Variants in MYOCD observed in about 807,000 individuals in gnomAD.
MYOCD encodes the protein myocardin.
Under a neutral mutation model 96.1 loss-of-function variants are expected in MYOCD, and 32 were observed. The observed-to-expected ratio is 0.33, with a 90% CI of 0.25 to 0.45. MYOCD has a LOEUF of 0.45. MYOCD is among the 20% of genes least tolerant of loss of function. The pLI, the probability that MYOCD is intolerant of heterozygous loss-of-function variation, is 1.00. For missense variants in MYOCD, 1,133 were observed against 1,200.6 expected (o/e 0.94, Z 0.83); for synonymous variants, 469 against 469.0 (o/e 1.00, Z 0.00).
At chr17:12,733,961 G>T (rs1014190738) in intron 5 of MYOCD, among the ~76,000 whole-genome samples, 1 of 151,848 alleles carries the variant, frequency 6.6e-6, no homozygotes, top group Admixed American at 6.6e-5. Flanking sequence ...TTTTGCTATT[G>T]CTGCCACTGC....
chr17:12,754,417 T>G (rs2032956721), intron 10 of MYOCD, among the ~76,000 whole-genome samples: 1 of 152,168 alleles, frequency 6.6e-6, no homozygotes, highest in African/African-American at 2.4e-5. Flanking sequence ...TTTGCAACTT[T>G]AAATAGAAGA....
intron 11 of MYOCD, 26 bp downstream of exon 11, chr17:12,756,583 C>A (rs1046981405): frequency 6.5e-7 from 1 of 1,536,896 alleles, no homozygotes; most frequent in African/African-American, 1.4e-5. Flanking sequence ...AAGGCCTCAA[C>A]CTGGGATTCA....
chr17:12,677,451 G>A (rs1012829312), intron 1 of MYOCD, among the ~76,000 whole-genome samples: 3 of 151,864 alleles, frequency 2.0e-5, no homozygotes, highest in African/African-American at 2.4e-5. Flanking sequence ...AGTGGCTCAC[G>A]CCTGTAATCC....
At chr17:12,720,127 G>A (rs1597779768) in intron 4 of MYOCD, among the ~76,000 whole-genome samples, 1 of 151,968 alleles carries the variant, frequency 6.6e-6, no homozygotes, top group East Asian at 1.9e-4. Context: ...GGTACCACAT[G>A]TACAGGGATC....
At chr17:12,676,384 CA>C (rs1910057980) in intron 1 of MYOCD, among the ~76,000 whole-genome samples, 1 of 151,280 alleles carries the variant, frequency 6.6e-6, no homozygotes, top group Non-Finnish European at 1.5e-5. Context: ...CAAAACATAC[CA>C]AAAGTGCTAA....
intron 1 of MYOCD, among the ~76,000 whole-genome samples, chr17:12,688,999 A>G (rs928058675): frequency 6.6e-6 from 1 of 152,222 alleles, no homozygotes; most frequent in African/African-American, 2.4e-5. Context: ...CCATGTGCAC[A>G]CACACAAACA....
At chr17:12,760,042 A>G (rs1447752645) in intron 12 of MYOCD, 3 of 152,592 alleles carry the variant, frequency 2.0e-5, no homozygotes, top group African/African-American at 7.2e-5. Context: ...TTTTTAGGCA[A>G]TAGACCTATG....
At position 12,752,956 on chromosome 17, in the gene MYOCD, C is replaced by T; in HGVS notation, c.1668C>T (p.Asn556=). ...RMQLQKQKRN[N]CSEKKPLPFL... The stretch of plus-strand genomic sequence containing the variant: ...AGCTTCAGAAGCAGAAAAGGAATAA[C>T]TGTTCAGAGAAGAAGCCGCTGCCTT... Residue 556 remains asparagine (N), a synonymous_variant, in exon 10 of 14, where the codon AAC becomes AAT. Transcript: ENST00000425538. 1 of 1,614,146 alleles carries T rather than the reference C, an allele frequency of 6.2e-7. No homozygotes were observed. Among genetic ancestry groups the T allele is most frequent in the South Asian group, 1.1e-5 (1 of 91,078 alleles).
chr17:12,676,024 C>G (rs1429863509), intron 1 of MYOCD, among the ~76,000 whole-genome samples: 1 of 151,986 alleles, frequency 6.6e-6, no homozygotes, highest in East Asian at 1.9e-4. Flanking sequence ...GTATTCGTAT[C>G]TACATAATTT....
intron 11 of MYOCD, among the ~76,000 whole-genome samples, chr17:12,757,310 A>G (rs991392828): frequency 1.3e-5 from 2 of 152,168 alleles, no homozygotes; most frequent in Non-Finnish European, 2.9e-5. Flanking sequence ...CACATACCAC[A>G]AGTCGGAAGG....
intron 2 of MYOCD, among the ~76,000 whole-genome samples, chr17:12,706,868 C>G (rs1462556461): frequency 6.6e-6 from 1 of 152,112 alleles, no homozygotes; most frequent in Non-Finnish European, 1.5e-5. Flanking sequence ...TCCATGGCAT[C>G]ATTAAGATAA....
At chr17:12,757,944 G>T in intron 11 of MYOCD, 141 bp from the exon 12 acceptor site, 1 of 661,134 alleles carries the variant, frequency 1.5e-6, no homozygotes. Context: ...TAATATATGG[G>T]AGTTATTTTC....
intron 1 of MYOCD, among the ~76,000 whole-genome samples, chr17:12,675,622 G>T (rs1909975633): frequency 6.6e-6 from 1 of 152,202 alleles, no homozygotes; most frequent in South Asian, 2.1e-4. Context: ...AATTTGGGAG[G>T]CCGAGATGGG....
At chr17:12,721,349 A>G (rs1279710727) in intron 4 of MYOCD, among the ~76,000 whole-genome samples, 1 of 152,188 alleles carries the variant, frequency 6.6e-6, no homozygotes, top group Non-Finnish European at 1.5e-5. Flanking sequence ...CCTGCTGCCC[A>G]GGAATTTATT....
At chr17:12,711,045 T>C (rs567895249) in intron 2 of MYOCD, among the ~76,000 whole-genome samples, 5 of 152,310 alleles carry the variant, frequency 3.3e-5, no homozygotes, top group Admixed American at 2.0e-4. Flanking sequence ...ATTAGAAAGC[T>C]ACATTGGGAA....
chr17:12,700,897 T>C (rs2031039074), intron 1 of MYOCD, among the ~76,000 whole-genome samples: 1 of 152,130 alleles, frequency 6.6e-6, no homozygotes, highest in African/African-American at 2.4e-5. Flanking sequence ...TGAATATTTT[T>C]GTATGTGTGT....
intron 1 of MYOCD, among the ~76,000 whole-genome samples, chr17:12,683,550 C>T (rs898424826): frequency 6.6e-6 from 1 of 152,050 alleles, no homozygotes; most frequent in East Asian, 1.9e-4. Flanking sequence ...ATGAAAATTA[C>T]TCACACATAC....
chr17:12,733,731 G>A (rs1397057214), intron 5 of MYOCD, among the ~76,000 whole-genome samples: 2 of 152,224 alleles, frequency 1.3e-5, no homozygotes, highest in African/African-American at 4.8e-5. Context: ...GCTGGGCATG[G>A]TGGCGCATGC....
At chr17:12,706,840 GA>G (rs2150675429) in intron 2 of MYOCD, among the ~76,000 whole-genome samples, 1 of 152,220 alleles carries the variant, frequency 6.6e-6, no homozygotes, top group East Asian at 1.9e-4. Context: ...CCACTTATTA[GA>G]AATTTTGCAT....
Sources: gnomAD v4.1 joint callset for allele counts (sites outside exome capture counted in the v4.1 genomes callset) on GRCh38, gnomAD v4.1.1 for gene constraint, MANE v1.5 for transcripts, NCBI Gene and HGNC (gene_info 2026-07-23, HGNC 2026-07-21) for gene names.